MOXD1: variants seen among roughly 807,000 people sequenced by gnomAD.
The protein encoded by MOXD1 is monooxygenase DBH like 1.
In MOXD1, 62 loss-of-function variants were observed where a neutral mutation model predicts 66.6. That is an observed-to-expected ratio of 0.93 (90% CI 0.76 to 1.15). The LOEUF (loss-of-function observed/expected upper bound fraction) is 1.15, where lower values mean the gene tolerates loss of function less well. Among genes scored for constraint, MOXD1 ranks in the 50% most tolerant of loss-of-function variants. The probability of loss-of-function intolerance (pLI) is 0.00; values close to 1 mark genes in which losing one functional copy is unlikely to be tolerated. For synonymous variants in MOXD1, 303 were observed against 281.9 expected (o/e 1.07, Z -0.75); for missense variants, 847 against 754.6 (o/e 1.12, Z -1.44).
chr6:132,339,867 CT>C lies in MOXD1; in HGVS notation c.664-11274del, dbSNP rs373137834. Among the ~76,000 whole-genome samples the C allele has an allele frequency of 4.4e-3, 587 of 132,316 alleles. 5 individuals are homozygous for C. Among genetic ancestry groups the C allele is most frequent in the African/African-American group, 9.9e-3 (340 of 34,514 alleles). The allele number at this position is 132,316 out of a possible 152,430, so 86.8% of individuals were successfully genotyped here. ...GCAAGCTCAAAATGAAGCTACAGCT[CT>C]TTTTTTTTTTTTTTTTTCTGTGATG... is the stretch of plus-strand genomic sequence containing the variant. On this transcript the variant is annotated intron_variant, in intron 4 of 11. Transcript: ENST00000367963.
intron 10 of MOXD1, among the ~76,000 whole-genome samples, chr6:132,313,477 G>A (rs1774874455): frequency 6.6e-6 from 1 of 152,140 alleles, no homozygotes; most frequent in South Asian, 2.1e-4. Flanking sequence ...TTCAAAAAGA[G>A]GAGTGGGTCT....
chr6:132,378,005 G>A (rs1030883508), intron 1 of MOXD1, among the ~76,000 whole-genome samples: 1 of 152,046 alleles, frequency 6.6e-6, no homozygotes, highest in African/African-American at 2.4e-5. Context: ...GCAGGTGCCT[G>A]TAATCCCAAC....
intron 10 of MOXD1, among the ~76,000 whole-genome samples, chr6:132,303,612 C>T (rs1030455135): frequency 3.3e-5 from 5 of 149,462 alleles, no homozygotes; most frequent in Admixed American, 1.3e-4. Context: ...AATATAGATG[C>T]AATTTTTTCA....
intron 8 of MOXD1, among the ~76,000 whole-genome samples, chr6:132,322,306 C>T (rs591109): frequency 0.51 from 78,167 of 152,016 alleles, 23,762 homozygotes; most frequent in African/African-American, 0.84. Flanking sequence ...TATCCTATCT[C>T]TTCAACATAG....
In MOXD1 at chr6:132,296,954, A is replaced by G. The variant is rs1774414664; in HGVS notation, c.*199T>C. 8.1e-6 allele frequency: 4 copies of G among 491,966 alleles called. No homozygotes were observed. In the Admixed American group the frequency reaches 9.8e-5, roughly 12 times the overall value. 30.5% of individuals were successfully genotyped at this position (491,966 alleles called of 1,614,324 possible). A position where few individuals can be genotyped will look rare whatever the true frequency, so the allele number is the denominator to read the frequency against. On this transcript the variant is annotated 3_prime_UTR_variant, in exon 12 of 12. Coordinates refer to ENST00000367963, the MANE Select transcript of MOXD1 (RefSeq NM_015529.4). ...TTTATTTTATTGACCATGTATATAT[A>G]ACATCAGATATTTCTAAGAAAGAGA...
chr6:132,387,556 C>T (rs1184626825), intron 1 of MOXD1, among the ~76,000 whole-genome samples: 1 of 150,458 alleles, frequency 6.6e-6, no homozygotes. Flanking sequence ...GAGTTTGAGA[C>T]CAGCCTGGCC....
At chr6:132,351,165 T>C (rs1212159508) in intron 4 of MOXD1, among the ~76,000 whole-genome samples, 1 of 152,168 alleles carries the variant, frequency 6.6e-6, no homozygotes, top group African/African-American at 2.4e-5. Flanking sequence ...TGGCTAGGAC[T>C]TCCAGTACTA....
chr6:132,325,065 C>T (rs1242653608), intron 6 of MOXD1: 1 of 151,330 alleles, frequency 6.6e-6, no homozygotes, highest in Non-Finnish European at 1.5e-5. Flanking sequence ...AATAATTATC[C>T]CAGGAAATTC....
intron 1 of MOXD1, among the ~76,000 whole-genome samples, chr6:132,381,527 G>T (rs191664927): frequency 6.6e-6 from 1 of 151,122 alleles, no homozygotes; most frequent in African/African-American, 2.4e-5. Context: ...AAGCCGAAAA[G>T]AAAAGAGGGA....
At chr6:132,317,216 A>C (rs1315011740) in intron 9 of MOXD1, among the ~76,000 whole-genome samples, 1 of 152,170 alleles carries the variant, frequency 6.6e-6, no homozygotes, top group Non-Finnish European at 1.5e-5. Flanking sequence ...TCGAAAACAA[A>C]GGTGAAAAAC....
chr6:132,334,206 C>T (rs950570874), intron 4 of MOXD1, among the ~76,000 whole-genome samples: 15 of 152,322 alleles, frequency 9.8e-5, no homozygotes, highest in Admixed American at 8.5e-4. Flanking sequence ...ATGAAGCCAA[C>T]ATCAATGAGG....
At chr6:132,399,496 A>G (rs186683882) in intron 1 of MOXD1, among the ~76,000 whole-genome samples, 1 of 152,354 alleles carries the variant, frequency 6.6e-6, no homozygotes, top group East Asian at 1.9e-4. Flanking sequence ...ATGAAGAACC[A>G]CAAACAGGGT....
chr6:132,338,232 C>T (rs1172063002), intron 4 of MOXD1, among the ~76,000 whole-genome samples: 2 of 152,174 alleles, frequency 1.3e-5, no homozygotes, highest in East Asian at 3.8e-4. Context: ...TCCTGACCAC[C>T]ACGTGATATA....
intron 1 of MOXD1, among the ~76,000 whole-genome samples, chr6:132,387,208 G>A (rs3861471): frequency 0.15 from 23,345 of 151,074 alleles, 2,681 homozygotes; most frequent in East Asian, 0.44. Flanking sequence ...TTAGGCTAAT[G>A]TTGCATTTAT....
intron 1 of MOXD1, among the ~76,000 whole-genome samples, chr6:132,378,816 A>G (rs369200755): frequency 1.4e-5 from 2 of 146,680 alleles, no homozygotes. Flanking sequence ...TTTAAGGAAG[A>G]GGTAATACCA....
intron 1 of MOXD1, among the ~76,000 whole-genome samples, chr6:132,381,919 A>G (rs1554237533): frequency 6.6e-6 from 1 of 152,148 alleles, no homozygotes; most frequent in South Asian, 2.1e-4. Flanking sequence ...ACCAAATGAC[A>G]TCCTCACCCA....
intron 4 of MOXD1, among the ~76,000 whole-genome samples, chr6:132,329,686 C>A (rs1180567054): frequency 2.0e-5 from 3 of 151,718 alleles, no homozygotes; most frequent in Non-Finnish European, 4.4e-5. Flanking sequence ...GTAATCTGAC[C>A]TCCAGATTAC....
intron 4 of MOXD1, among the ~76,000 whole-genome samples, chr6:132,371,397 T>G (rs1031341444): frequency 1.3e-5 from 2 of 152,164 alleles, no homozygotes; most frequent in Admixed American, 1.3e-4. Context: ...TAGGACTACA[T>G]ATTAACTCAA....
chr6:132,393,645 G>A (rs142663305), intron 1 of MOXD1, among the ~76,000 whole-genome samples: 313 of 152,244 alleles, frequency 2.1e-3, no homozygotes, highest in Admixed American at 3.7e-3. Context: ...GGGAGCTCAT[G>A]CTGAGTCCTA....
Sources: allele counts gnomAD v4.1 joint callset (sites outside exome capture counted in the v4.1 genomes callset), GRCh38; gene constraint gnomAD v4.1.1; transcripts MANE v1.5; gene names NCBI Gene and HGNC (gene_info 2026-07-23, HGNC 2026-07-21).